The following OGFRL1 variants were observed in gnomAD, a reference collection of about 807,000 sequenced individuals.
The protein encoded by OGFRL1 is opioid growth factor receptor-like protein 1.
A neutral mutation model predicts 32.4 loss-of-function variants in OGFRL1; 26 were observed. The ratio of observed to expected loss-of-function variants is 0.80; its 90% CI spans 0.59 to 1.11. OGFRL1 has a LOEUF of 1.11. Among genes scored for constraint, OGFRL1 ranks in the 50% most tolerant of loss-of-function variants. The pLI, the probability that OGFRL1 is intolerant of heterozygous loss-of-function variation, is 0.00. For missense variants in OGFRL1, 521 were observed against 546.4 expected, an observed-to-expected ratio of 0.95 and a Z score of 0.46; for synonymous variants, 211 against 201.2, an observed-to-expected ratio of 1.05 and a Z score of -0.41.
At chr6:71,297,714 CGTTTT>C (rs1766254221) in intron 6 of OGFRL1, among the ~76,000 whole-genome samples, 1 of 151,810 alleles carries the variant, frequency 6.6e-6, no homozygotes, top group Non-Finnish European at 1.5e-5. Flanking sequence ...CAGCAGTCTA[CGTTTT>C]GTGCATCAGT....
Position 71,293,620 on chromosome 6 carries a change from C to T in OGFRL1, c.400+9C>T, listed in dbSNP as rs750329716. 1.4e-5 allele frequency: 22 copies of T among 1,552,154 alleles called. No homozygotes were observed. In the Admixed American group the frequency reaches 2.9e-4, roughly 21 times the overall value. Reference sequence around the variant, plus strand: ...TCCATTCAAGCCAGATGGTGAGTAACGTACTACTTGATAAATTGCACTTTA... The same window carrying T: ...TCCATTCAAGCCAGATGGTGAGTAATGTACTACTTGATAAATTGCACTTTA... On this transcript the variant is annotated intron_variant, in intron 3 of 6. Transcript: ENST00000370435.
At position 71,288,884 on chromosome 6, in the gene OGFRL1, C is replaced by G; in HGVS notation, c.-53C>G. ...CCATGCCCGGGCCCTAGAGCGCCTG[C>G]CGCAGCTTGCGCCCCGCAGCCCCGC... On this transcript the variant is annotated 5_prime_UTR_variant, in exon 1 of 7. Transcript: ENST00000370435. The G allele has an allele frequency of 8.3e-7, 1 of 1,202,192 alleles. No individual in the cohort carries two copies. The highest frequency in any genetic ancestry group is 1.0e-6 in the Non-Finnish European group (1 of 954,086). 74.5% of individuals were successfully genotyped at this position (1,202,192 alleles called of 1,614,324 possible).
Position 71,293,323 on chromosome 6 carries a change from C to A in OGFRL1, c.265C>A (p.Pro89Thr), listed in dbSNP as rs746685551. 1.4e-5 allele frequency: 23 copies of A among 1,613,748 alleles called. 1 individual carries two copies. The South Asian group carries it at 2.5e-4, about 18-fold the overall frequency. The change falls in exon 2 of 7, where the codon CCA becomes ACA. Residue 89 changes from proline (P) to threonine (T), a missense_variant. Coordinates refer to ENST00000370435, the MANE Select transcript of OGFRL1 (RefSeq NM_024576.5). ...GGDSTEATAKPKRSFYAARDL... is the reference protein window; with the variant it reads ...GGDSTEATAKTKRSFYAARDL... ...TGATTCCACTGAAGCAACTGCCAAACCAAAGAGAAGTTTTTATGCTGCCAG... is the reference window on the plus strand; with the variant it reads ...TGATTCCACTGAAGCAACTGCCAAAACAAAGAGAAGTTTTTATGCTGCCAG...
Position 71,289,035 on chromosome 6 carries a change from A to C in OGFRL1, c.99A>C (p.Glu33Asp). ...CCGACTCGGAGCCCGAGCCCGAAGA[A>C]CCAGGGCCGGGCGGCGGCAGCGAGG... ...WQTDSEPEPE[E>D]PGPGGGSEGP... The change falls in exon 1 of 7, where the codon GAA becomes GAC. Residue 33 changes from glutamate (E) to aspartate (D), a missense_variant. Glu to Asp is a conservative substitution (Grantham distance 45, BLOSUM62 2). Transcript: ENST00000370435. The C allele has an allele frequency of 7.5e-7, 1 of 1,334,408 alleles. No individual in the cohort carries two copies. Among genetic ancestry groups the C allele is most frequent in the Non-Finnish European group, 9.8e-7 (1 of 1,025,230 alleles). The allele number at this position is 1,334,408 out of a possible 1,614,324, so 82.7% of individuals were successfully genotyped here.
At chr6:71,289,467 G>C (rs1272433314) in intron 1 of OGFRL1, 1 of 980,012 alleles carries the variant, frequency 1.0e-6, no homozygotes, top group Non-Finnish European at 1.2e-6. Flanking sequence ...CTGCAGAGCA[G>C]CTGGATTATG....
Position 71,307,382 on chromosome 6 carries a change from C to T in OGFRL1, c.*5333C>T, listed in dbSNP as rs1467630896. On this transcript the variant is annotated 3_prime_UTR_variant, in exon 7 of 7. Coordinates refer to ENST00000370435, the MANE Select transcript of OGFRL1 (RefSeq NM_024576.5). ...ATGGGTATCAGTTCTCATAAAATACCTGCTACAATTTATTTATTTTGTAGT... is the reference window on the plus strand; with the variant it reads ...ATGGGTATCAGTTCTCATAAAATACTTGCTACAATTTATTTATTTTGTAGT... 2 of 152,136 alleles carry T rather than the reference C, an allele frequency of 1.3e-5. No homozygotes were observed. Among genetic ancestry groups the T allele is most frequent in the Non-Finnish European group, 2.9e-5 (2 of 68,024 alleles). The allele number at this position is 152,136 out of a possible 1,614,324, so 9.4% of individuals were successfully genotyped here. A position where few individuals can be genotyped will look rare whatever the true frequency, so the allele number is the denominator to read the frequency against.
In OGFRL1 at chr6:71,293,396, CTA is replaced by C. The variant is rs1561946881; in HGVS notation, c.321+19_321+20del. 1.9e-6 allele frequency: 3 copies of C among 1,607,674 alleles called. No individual in the cohort carries two copies. Among genetic ancestry groups the C allele is most frequent in the Non-Finnish European group, 2.6e-6 (3 of 1,176,088 alleles). ...CAGTACCCAGTAAGAGTATAGAATG[CTA>C]TGTTTTAAACTGTAAACTATTTTCC... On this transcript the variant is annotated intron_variant, in intron 2 of 6. Coordinates refer to ENST00000370435, the MANE Select transcript of OGFRL1 (RefSeq NM_024576.5).
At chr6:71,294,124 T>C (rs1766132694) in intron 3 of OGFRL1, among the ~76,000 whole-genome samples, 1 of 152,218 alleles carries the variant, frequency 6.6e-6, no homozygotes. Context: ...GGAAGGGAAC[T>C]GCAGATACAG....
intron 6 of OGFRL1, among the ~76,000 whole-genome samples, chr6:71,299,675 CAGTA>C (rs1418335548): frequency 6.6e-6 from 1 of 152,084 alleles, no homozygotes; most frequent in Admixed American, 6.6e-5. Flanking sequence ...AGGGTTTTGT[CAGTA>C]AGTATTTAGA....
intron 3 of OGFRL1, among the ~76,000 whole-genome samples, chr6:71,294,537 G>C (rs947423812): frequency 1.3e-5 from 2 of 152,188 alleles, no homozygotes; most frequent in Non-Finnish European, 2.9e-5. Flanking sequence ...CCTGGATTGA[G>C]TTTGGGAGGA....
chr6:71,304,550 ATAT>A lies in OGFRL1; in HGVS notation c.*2504_*2506del, dbSNP rs1443027310. 1.3e-5 allele frequency: 2 copies of A among 152,156 alleles called. No individual in the cohort carries two copies. Among genetic ancestry groups the A allele is most frequent in the African/African-American group, 2.4e-5 (1 of 41,448 alleles). The allele number at this position is 152,156 out of a possible 1,614,324, so 9.4% of individuals were successfully genotyped here. ...TAAAAGATTGTGACCAGATATTATG[ATAT>A]TAATAAAGTTACCAGATACTAAAAT... On this transcript the variant is annotated 3_prime_UTR_variant, in exon 7 of 7. Coordinates refer to ENST00000370435, the MANE Select transcript of OGFRL1 (RefSeq NM_024576.5).
chr6:71,289,692 C>G, intron 1 of OGFRL1: 1 of 984,828 alleles, frequency 1.0e-6, no homozygotes, highest in Non-Finnish European at 1.2e-6. Context: ...CGTCACTGTT[C>G]TGCCCAACTC....
chr6:71,297,343 C>A (rs1238175969), intron 6 of OGFRL1, among the ~76,000 whole-genome samples: 1 of 151,990 alleles, frequency 6.6e-6, no homozygotes. Flanking sequence ...AGGTAAAAAA[C>A]AAAAACTCAT....
chr6:71,293,197 GCTTT>G (rs1436192593), intron 1 of OGFRL1, 92 bp from the exon 2 acceptor site: 6 of 938,546 alleles, frequency 6.4e-6, no homozygotes, highest in African/African-American at 3.3e-5. Context: ...CAATTTTCAG[GCTTT>G]CTTTATGGAT....
intron 6 of OGFRL1, among the ~76,000 whole-genome samples, chr6:71,299,294 T>C (rs7766995): frequency 0.76 from 115,881 of 152,036 alleles, 45,274 homozygotes; most frequent in African/African-American, 0.94. Flanking sequence ...GGTTTATACA[T>C]TATAAGGATT....
At chr6:71,301,257 T>C (rs965093480) in intron 6 of OGFRL1, 129 bp from the exon 7 acceptor site, 10 of 760,290 alleles carry the variant, frequency 1.3e-5, no homozygotes, top group Non-Finnish European at 1.9e-5. Context: ...AATATGGCAT[T>C]AGGAAGTCAT....
At position 71,289,016 on chromosome 6, in the gene OGFRL1, C is replaced by T. The variant is rs867388532; in HGVS notation, c.80C>T (p.Ser27Leu). 4.4e-6 allele frequency: 6 copies of T among 1,364,970 alleles called. No individual in the cohort carries two copies. The Admixed American group carries it at 1.1e-4, about 25-fold the overall frequency. The allele number at this position is 1,364,970 out of a possible 1,614,324, so 84.6% of individuals were successfully genotyped here. The change falls in exon 1 of 7, where the codon TCG (serine) becomes TTG (leucine). Residue 27 changes from serine to leucine, a missense_variant. Coordinates refer to ENST00000370435, the MANE Select transcript of OGFRL1 (RefSeq NM_024576.5). Reference sequence around the variant, plus strand: ...TGCGACTCCACCTGGCAGACCGACTCGGAGCCCGAGCCCGAAGAACCAGGG... The same window carrying T: ...TGCGACTCCACCTGGCAGACCGACTTGGAGCCCGAGCCCGAAGAACCAGGG... Reference protein sequence around the residue: ...EDCDSTWQTDSEPEPEEPGPG... With the variant: ...EDCDSTWQTDLEPEPEEPGPG...
chr6:71,296,771 G>T lies in OGFRL1; in HGVS notation c.646G>T (p.Val216Phe), dbSNP rs1561948804. The change falls in exon 6 of 7, where the codon GTT (valine) becomes TTT (phenylalanine). Residue 216 changes from valine (V) to phenylalanine (F), a missense_variant. Transcript: ENST00000370435. ...GIKLTDKTGN[V>F]ARAVNWQERF... ...AAAACTGACTGATAAAACTGGAAAT[G>T]TTGCTCGGGCTGTTAACTGGCAGGA... 1.2e-6 allele frequency: 2 copies of T among 1,613,484 alleles called. No homozygotes were observed. Among genetic ancestry groups the T allele is most frequent in the Non-Finnish European group, 1.7e-6 (2 of 1,179,680 alleles).
Position 71,306,325 on chromosome 6 carries a change from A to T in OGFRL1, c.*4276A>T, listed in dbSNP as rs1258824621. ...GAACATATTTGTGTGGCTAATCTCT[A>T]GGGTGACAGTGAGTACTACCCTGCT... On this transcript the variant is annotated 3_prime_UTR_variant, in exon 7 of 7. Coordinates refer to ENST00000370435, the MANE Select transcript of OGFRL1 (RefSeq NM_024576.5). 6.6e-6 allele frequency: 1 copy of T among 152,160 alleles called. No individual in the cohort carries two copies. The highest frequency in any genetic ancestry group is 1.5e-5 in the Non-Finnish European group (1 of 68,022). The allele number at this position is 152,160 out of a possible 1,614,324, so 9.4% of individuals were successfully genotyped here.
Sources: allele counts gnomAD v4.1 joint callset (sites outside exome capture counted in the v4.1 genomes callset), GRCh38; gene constraint gnomAD v4.1.1; transcripts MANE v1.5; gene names NCBI Gene and HGNC (gene_info 2026-07-23, HGNC 2026-07-21).